Variants in MST1R observed in about 807,000 individuals in gnomAD.
MST1R encodes macrophage-stimulating protein receptor.
A neutral mutation model predicts 117.8 loss-of-function variants in MST1R; 99 were observed. The observed-to-expected ratio is 0.84, with a 90% CI of 0.71 to 0.99. The LOEUF is 0.99. MST1R is among the 50% of genes least tolerant of loss of function. The pLI is 0.00. For synonymous variants in MST1R, 734 were observed against 765.3 expected, an observed-to-expected ratio of 0.96 and a Z score of 0.68; for missense variants, 1,683 against 1,840.2, an observed-to-expected ratio of 0.91 and a Z score of 1.56.
chr3:49,900,819 C>T (rs994771213), intron 1 of MST1R, among the ~76,000 whole-genome samples: 2 of 152,214 alleles, frequency 1.3e-5, no homozygotes, highest in African/African-American at 4.8e-5. Context: ...GTAGGGGCCC[C>T]CAGCTCCTGA....
chr3:49,891,209 G>A lies in MST1R; in HGVS notation c.3632C>T (p.Ala1211Val), dbSNP rs368036422. The A allele has an allele frequency of 5.6e-5, 90 of 1,613,726 alleles. No individual in the cohort carries two copies. The highest frequency in any genetic ancestry group is 7.5e-5 in the Non-Finnish European group (89 of 1,179,980). Reference sequence around the variant, plus strand: ...TCTGGACTCTCACATGCAGTTCCGCGCAGCCAGGTCCCTGTGCACAAACTT... The same window carrying A: ...TCTGGACTCTCACATGCAGTTCCGCACAGCCAGGTCCCTGTGCACAAACTT... ...EQKFVHRDLA[A>V]RNCMLDESFT... The change falls in exon 17 of 20, where the codon GCG becomes GTG. Residue 1211 changes from alanine (A) to valine (V), a missense_variant. Physicochemically the swap from Ala to Val is moderately conservative, Grantham distance 64. Coordinates refer to ENST00000296474, the MANE Select transcript of MST1R (RefSeq NM_002447.4).
chr3:49,890,148 T>C (rs757882043), intron 18 of MST1R, 88 bp from the exon 19 acceptor site: 93 of 1,486,100 alleles, frequency 6.3e-5, no homozygotes, highest in Non-Finnish European at 7.7e-5. Flanking sequence ...CCAGAGTCCT[T>C]CAGCTGGAAA....
chr3:49,900,410 C>T (rs549982692), intron 1 of MST1R, among the ~76,000 whole-genome samples: 1 of 152,256 alleles, frequency 6.6e-6, no homozygotes, highest in South Asian at 2.1e-4. Flanking sequence ...GGCTCAGTAG[C>T]CAGCCCTAGG....
chr3:49,895,166 C>G lies in MST1R; in HGVS notation c.3271+1G>C. On this transcript the variant is annotated splice_donor_variant, in intron 14 of 19. Coordinates refer to ENST00000296474, the MANE Select transcript of MST1R (RefSeq NM_002447.4). LOFTEE classifies it high-confidence loss of function. ...GCCCCAGCCCCACCTGGCCCCCACACCTTTGCCAATGACTCGGTCACTGTG... is the reference window on the plus strand; with the variant it reads ...GCCCCAGCCCCACCTGGCCCCCACAGCTTTGCCAATGACTCGGTCACTGTG... 1 of 1,613,914 alleles carries G rather than the reference C, an allele frequency of 6.2e-7. No homozygotes were observed. The highest frequency in any genetic ancestry group is 8.5e-7 in the Non-Finnish European group (1 of 1,180,030).
intron 14 of MST1R, among the ~76,000 whole-genome samples, chr3:49,893,269 G>C (rs1387458967): frequency 7.2e-6 from 1 of 138,800 alleles, no homozygotes; most frequent in Non-Finnish European, 1.5e-5. Flanking sequence ...ACAGAGTGAG[G>C]TTCTGTCTCA....
chr3:49,887,683 C>T, intron 19 of MST1R, 121 bp from the exon 20 acceptor site: 1 of 1,015,114 alleles, frequency 9.9e-7, no homozygotes, highest in Non-Finnish European at 1.5e-6. Context: ...GGACCTAGTA[C>T]CTAGCACTAC....
rs752865718 is a variant in MST1R, at chr3:49,887,328, T to C, written c.4182A>G (p.Ser1394=). The C allele has an allele frequency of 6.2e-7, 1 of 1,614,238 alleles. No individual in the cohort carries two copies. Among genetic ancestry groups the C allele is most frequent in the Non-Finnish European group, 8.5e-7 (1 of 1,180,050 alleles). Residue 1394 remains serine, a synonymous_variant, in exon 20 of 20, where the codon TCA becomes TCG. Transcript: ENST00000296474. ...TAAGTCAAGTGGGCCGAGGAGGCTC[T>C]GAGAGTGGCCGGGGCCGGCGTACAT... ...PGNVRRPRPL[S]EPPRPT
chr3:49,890,338 A>T, intron 18 of MST1R, 147 bp downstream of exon 18: 2 of 929,908 alleles, frequency 2.2e-6, no homozygotes, highest in Non-Finnish European at 3.1e-6. Context: ...ATTCCATCTT[A>T]CATCTGCCCA....
chr3:49,896,474 A>G lies in MST1R; in HGVS notation c.2439+66T>C, dbSNP rs1030489594. ...TGATTGCTCCTCGCCTCAGCCCAGC[A>G]CGAGGTTGGGCTGCAGCTCAGGGAA... On this transcript the variant is annotated intron_variant, in intron 9 of 19. Coordinates refer to ENST00000296474, the MANE Select transcript of MST1R (RefSeq NM_002447.4). The G allele has an allele frequency of 1.9e-6, 3 of 1,606,502 alleles. No homozygotes were observed. The African/African-American group carries it at 4.0e-5, about 21-fold the overall frequency.
rs776345665 is a variant in MST1R at position 49,896,114 on chromosome 3, A to G, written c.2650-7T>C. On this transcript the variant is annotated splice_region_variant and splice_polypyrimidine_tract_variant and intron_variant, in intron 10 of 19. Coordinates refer to ENST00000296474, the MANE Select transcript of MST1R (RefSeq NM_002447.4). ...CAGCGCCCAGCCCAATATACTGCAG[A>G]GAGGGTCATGAGGACCAGCCAGTAG... The G allele has an allele frequency of 1.2e-6, 2 of 1,613,970 alleles. No homozygotes were observed. The highest frequency in any genetic ancestry group is 3.3e-5 in the Admixed American group (2 of 60,014).
rs1034573348 is a variant in MST1R at position 49,890,387 on chromosome 3, G to C, written c.3810+98C>G. 5 of 1,344,078 alleles carry C rather than the reference G, an allele frequency of 3.7e-6. No homozygotes were observed. The African/African-American group carries it at 7.3e-5, about 20-fold the overall frequency. 83.3% of individuals were successfully genotyped at this position (1,344,078 alleles called of 1,614,324 possible). On this transcript the variant is annotated intron_variant, in intron 18 of 19. Coordinates refer to ENST00000296474, the MANE Select transcript of MST1R (RefSeq NM_002447.4). ...TGGGCTGTGGGGGTCATCTACCCTG[G>C]GGACTCCCTGGGCTCAGATCATTCA... is the stretch of plus-strand genomic sequence containing the variant.
chr3:49,895,710 C>G lies in MST1R; in HGVS notation c.2962+5G>C, dbSNP rs1330744921. The G allele has an allele frequency of 6.2e-7, 1 of 1,612,150 alleles. No homozygotes were observed. On this transcript the variant is annotated splice_donor_5th_base_variant and intron_variant, in intron 12 of 19. Coordinates refer to ENST00000296474, the MANE Select transcript of MST1R (RefSeq NM_002447.4). The stretch of plus-strand genomic sequence containing the variant: ...GCTGATTAAAGGTAGGAGCAGAGAA[C>G]TCACCTAGCTGCTTCCTCCGCCACC...
intron 14 of MST1R, among the ~76,000 whole-genome samples, chr3:49,893,915 TA>T (rs1240044176): frequency 8.3e-6 from 1 of 120,702 alleles, no homozygotes; most frequent in Non-Finnish European, 1.7e-5. Context: ...AAAAAAAAAA[TA>T]AAATAAAATA....
At chr3:49,890,746 G>A in intron 17 of MST1R, 96 bp from the exon 18 acceptor site, 1 of 1,158,584 alleles carries the variant, frequency 8.6e-7, no homozygotes, top group South Asian at 1.7e-5. Context: ...TTTTTTTTGA[G>A]ACGGAGTCTC....
At position 49,903,193 on chromosome 3, in the gene MST1R, C is replaced by A; in HGVS notation, c.417G>T (p.Leu139=). 1 of 1,605,728 alleles carries A rather than the reference C, an allele frequency of 6.2e-7. No individual in the cohort carries two copies. The highest frequency in any genetic ancestry group is 1.1e-5 in the South Asian group (1 of 91,084). The change falls in exon 1 of 20, where the codon CTG becomes CTT. Residue 139 remains leucine, a synonymous_variant. Coordinates refer to ENST00000296474, the MANE Select transcript of MST1R (RefSeq NM_002447.4). ...GGTCATGCAGGAAGCAGCGGCCCTG[C>A]AGGCTGGAGCCACAACTGACCAGCG... ...LPALVSCGSS[L]QGRCFLHDLE...
In MST1R at chr3:49,903,005, G is replaced by C. The variant is rs1309698463; in HGVS notation, c.605C>G (p.Ser202Ter). ...GQASYFYVAS[S>*]LDAAVAASFS... ...GCTGGCAGCCACGGCTGCGTCCAGTGAGGATGCCACGTAGAAATAGGAGGC... is the reference window on the plus strand; with the variant it reads ...GCTGGCAGCCACGGCTGCGTCCAGTCAGGATGCCACGTAGAAATAGGAGGC... Residue 202 changes from serine to a stop codon, truncating the protein, a stop_gained, in exon 1 of 20, where the codon TCA (serine) becomes TGA (stop). Coordinates refer to ENST00000296474, the MANE Select transcript of MST1R (RefSeq NM_002447.4). LOFTEE classifies it high-confidence loss of function. The C allele has an allele frequency of 1.2e-6, 2 of 1,612,910 alleles. No homozygotes were observed. The highest frequency in any genetic ancestry group is 1.7e-6 in the Non-Finnish European group (2 of 1,180,046).
intron 14 of MST1R, among the ~76,000 whole-genome samples, chr3:49,894,964 A>G (rs2082418973): frequency 6.6e-6 from 1 of 152,022 alleles, no homozygotes; most frequent in East Asian, 1.9e-4. Flanking sequence ...GCCTGCCACC[A>G]TGGCTGGCTA....
chr3:49,894,233 T>A (rs906701668), intron 14 of MST1R, among the ~76,000 whole-genome samples: 1 of 141,880 alleles, frequency 7.0e-6, no homozygotes, highest in African/African-American at 2.6e-5. Flanking sequence ...ATAATAATAA[T>A]AAAATAGAAT....
Position 49,902,789 on chromosome 3 carries a change from C to T in MST1R, c.821G>A (p.Ser274Asn). The change falls in exon 1 of 20, where the codon AGT (serine) becomes AAT (asparagine). Residue 274 changes from serine (S) to asparagine (N), a missense_variant. Transcript: ENST00000296474. ...CCGTGCCAGGCGTGTGTGCAGGGCA[C>T]TAGGATCATCTGTCACGCTGGCCGG... ...VQPASVTDDP[S>N]ALHTRLARLS... 2 of 1,613,924 alleles carry T rather than the reference C, an allele frequency of 1.2e-6. No homozygotes were observed. Among genetic ancestry groups the T allele is most frequent in the Non-Finnish European group, 1.7e-6 (2 of 1,180,044 alleles).
Sources: gnomAD v4.1 joint callset for allele counts (sites outside exome capture counted in the v4.1 genomes callset) on GRCh38, gnomAD v4.1.1 for gene constraint, MANE v1.5 for transcripts, NCBI Gene and HGNC (gene_info 2026-07-23, HGNC 2026-07-21) for gene names.